Variants in CFAP99 observed in about 807,000 individuals in gnomAD.
The protein encoded by CFAP99 is cilia and flagella associated protein 99, also known as cilia- and flagella-associated protein 99.
A neutral mutation model predicts 82.7 loss-of-function variants in CFAP99; 84 were observed. That is an observed-to-expected ratio of 1.02 (90% confidence interval 0.85 to 1.22). The LOEUF (loss-of-function observed/expected upper bound fraction) is 1.22, where lower values mean the gene tolerates loss of function less well. Ranked by LOEUF, CFAP99 falls within the 50% of genes most tolerant of loss-of-function variation. The probability of loss-of-function intolerance (pLI) is 0.00; values close to 1 mark genes in which losing one functional copy is unlikely to be tolerated. For synonymous variants in CFAP99, 456 were observed against 429.5 expected (o/e 1.06, Z -0.76); for missense variants, 1,059 against 983.5 (o/e 1.08, Z -1.03).
Position 2,462,590 on chromosome 4 carries a change from G to A in CFAP99, c.1809G>A (p.Ala603=). ...TGCACGTGTCGGCGCCGCGGACCGC[G>A]CGCCCCAAGCCCCGGGTGAGTCCGG... The change falls in exon 15 of 15, where the codon GCG becomes GCA. Residue 603 remains alanine, a synonymous_variant. Coordinates refer to ENST00000635017, the Ensembl canonical transcript of CFAP99. This position sits in a 1 kb window ranked among gnomAD's most constrained non-coding sequence, Gnocchi z 4.1. 1 of 1,426,258 alleles carries A rather than the reference G, an allele frequency of 7.0e-7. No homozygotes were observed. Among genetic ancestry groups the A allele is most frequent in the Non-Finnish European group, 9.1e-7 (1 of 1,092,920 alleles). The allele number at this position is 1,426,258 out of a possible 1,614,324, so 88.4% of individuals were successfully genotyped here.
chr4:2,442,481 G>C (rs1000064899), intron 4 of CFAP99, among the ~76,000 whole-genome samples: 1 of 152,084 alleles, frequency 6.6e-6, no homozygotes, highest in Non-Finnish European at 1.5e-5. Flanking sequence ...AGGCACAGCA[G>C]TGACTGCAGG....
chr4:2,430,075 CAGA>C (rs1733769231), intron 2 of CFAP99, among the ~76,000 whole-genome samples: 1 of 151,738 alleles, frequency 6.6e-6, no homozygotes, highest in Non-Finnish European at 1.5e-5. Context: ...AACCAAACGG[CAGA>C]CTGCGGACAG....
At position 2,462,505 on chromosome 4, in the gene CFAP99, A is replaced by G; in HGVS notation, c.1724A>G (p.Gln575Arg). Residue 575 changes from glutamine (Q) to arginine (R), a missense_variant, in exon 15 of 15, where the codon CAG (glutamine) becomes CGG (arginine). Physicochemically the swap from Gln to Arg is conservative, Grantham distance 43 (BLOSUM62 1). Coordinates refer to ENST00000635017, the Ensembl canonical transcript of CFAP99. This position sits in a 1 kb window ranked among gnomAD's most constrained non-coding sequence, Gnocchi z 4.1. Reference sequence around the variant, plus strand: ...GCGCCCTCGCAGGACGAGCGCGTGCAGCAGCTGCGGCGCAGGATCTCGGAG... The same window carrying G: ...GCGCCCTCGCAGGACGAGCGCGTGCGGCAGCTGCGGCGCAGGATCTCGGAG... 6.1e-6 allele frequency: 9 copies of G among 1,478,342 alleles called. No individual in the cohort carries two copies. Among genetic ancestry groups the G allele is most frequent in the African/African-American group, 5.9e-5 (4 of 68,210 alleles). 91.6% of individuals were successfully genotyped at this position (1,478,342 alleles called of 1,614,324 possible).
intron 11 of CFAP99, among the ~76,000 whole-genome samples, chr4:2,458,494 C>A (rs926729235): frequency 6.6e-6 from 1 of 152,138 alleles, no homozygotes; most frequent in Non-Finnish European, 1.5e-5. Context: ...AAGGTTCCCC[C>A]CAAGACCACA....
At chr4:2,437,699 T>C (rs2108720018) in intron 3 of CFAP99, among the ~76,000 whole-genome samples, 1 of 152,334 alleles carries the variant, frequency 6.6e-6, no homozygotes, top group South Asian at 2.1e-4. Flanking sequence ...AGGGGCCCGT[T>C]ACAGTTCCTG....
At chr4:2,422,356 A>G (rs954845515) in intron 1 of CFAP99, among the ~76,000 whole-genome samples, 1 of 152,068 alleles carries the variant, frequency 6.6e-6, no homozygotes, top group Non-Finnish European at 1.5e-5. Context: ...CTGGACTCCA[A>G]AGGAGCTCTT....
chr4:2,450,174 C>A, intron 8 of CFAP99, 169 bp downstream of exon 8: 2 of 687,260 alleles, frequency 2.9e-6, no homozygotes, highest in South Asian at 1.7e-5. Context: ...GAGCCCACTG[C>A]GATGTGGCCC....
intron 9 of CFAP99, 85 bp from the exon 10 acceptor site, chr4:2,451,179 G>A (rs1459273958): frequency 2.0e-6 from 3 of 1,488,774 alleles, no homozygotes; most frequent in East Asian, 2.5e-5. Flanking sequence ...GGGGGCAGGT[G>A]TGACGGGCAT....
At position 2,462,723 on chromosome 4, in the gene CFAP99, C is replaced by G. The variant is rs1363443600; in HGVS notation, c.1942C>G (p.Arg648Gly). 8.1e-7 allele frequency: 1 copy of G among 1,242,142 alleles called. No individual in the cohort carries two copies. Among genetic ancestry groups the G allele is most frequent in the African/African-American group, 1.6e-5 (1 of 63,388 alleles). 76.9% of individuals were successfully genotyped at this position (1,242,142 alleles called of 1,614,324 possible). A position where few individuals can be genotyped will look rare whatever the true frequency, so the allele number is the denominator to read the frequency against. Residue 648 changes from arginine (R) to glycine (G), a missense_variant, in exon 15 of 15, where the codon CGG becomes GGG. Coordinates refer to ENST00000635017, the Ensembl canonical transcript of CFAP99. This position sits in a 1 kb window ranked among gnomAD's most constrained non-coding sequence, Gnocchi z 4.1. Reference sequence around the variant, plus strand: ...GCGGGGATGGCGGGGAGATCGGGTCCGGTCCGCGGCCGGGAGATACGCAGC... The same window carrying G: ...GCGGGGATGGCGGGGAGATCGGGTCGGGTCCGCGGCCGGGAGATACGCAGC...
rs952174317 is a variant in CFAP99, at chr4:2,448,797, A to G, written c.643-873A>G. ...CACACATCCACTGGAGGGAGCAGAGACAGGACACATTGAGGCAGGCTGGCG... is the reference window on the plus strand; with the variant it reads ...CACACATCCACTGGAGGGAGCAGAGGCAGGACACATTGAGGCAGGCTGGCG... On this transcript the variant is annotated intron_variant, in intron 6 of 14. Transcript: ENST00000635017. This position sits in a 1 kb window ranked among gnomAD's most constrained non-coding sequence, Gnocchi z 5.2. Among the ~76,000 whole-genome samples, 1 of 152,224 alleles carries G rather than the reference A, an allele frequency of 6.6e-6. No homozygotes were observed. The highest frequency in any genetic ancestry group is 1.5e-5 in the Non-Finnish European group (1 of 68,036).
At chr4:2,443,821 A>G (rs1225921034) in intron 5 of CFAP99, among the ~76,000 whole-genome samples, 1 of 152,144 alleles carries the variant, frequency 6.6e-6, no homozygotes, top group African/African-American at 2.4e-5. Flanking sequence ...ACTCCGGGGC[A>G]GGCCAGAACC....
chr4:2,450,696 C>A (rs997814631), intron 8 of CFAP99, among the ~76,000 whole-genome samples: 1 of 152,208 alleles, frequency 6.6e-6, no homozygotes, highest in East Asian at 1.9e-4. Context: ...GACTGGGAAG[C>A]ACTGTTCCCA....
intron 11 of CFAP99, 68 bp from the exon 12 acceptor site, chr4:2,458,655 C>A: frequency 6.7e-7 from 1 of 1,485,522 alleles, no homozygotes; most frequent in Non-Finnish European, 8.9e-7. Flanking sequence ...GCGCCCTGGG[C>A]TGGGGCGGGA....
At chr4:2,442,646 C>G (rs1734070746) in intron 4 of CFAP99, among the ~76,000 whole-genome samples, 1 of 152,188 alleles carries the variant, frequency 6.6e-6, no homozygotes, top group South Asian at 2.1e-4. Flanking sequence ...CCCGGACCCT[C>G]GGCTCCCCAT....
Position 2,462,215 on chromosome 4 carries a change from G to A in CFAP99, c.1662-228G>A, listed in dbSNP as rs964109019. 4.4e-5 allele frequency: 18 copies of A among 413,294 alleles called. No homozygotes were observed. Among genetic ancestry groups the A allele is most frequent in the Middle Eastern group, 6.2e-4 (1 of 1,624 alleles). 25.6% of individuals were successfully genotyped at this position (413,294 alleles called of 1,614,324 possible). A position where few individuals can be genotyped will look rare whatever the true frequency, so the allele number is the denominator to read the frequency against. ...AAGAAAAGAAAAAAAGAGCAAAAGG[G>A]TAGATAGAAGTGCTGGAGACTCCCC... On this transcript the variant is annotated intron_variant, in intron 14 of 14. Coordinates refer to ENST00000635017, the Ensembl canonical transcript of CFAP99. The surrounding 1 kb of genome is among the most constrained non-coding windows in gnomAD (Gnocchi z 4.1).
intron 10 of CFAP99, among the ~76,000 whole-genome samples, chr4:2,451,941 T>A (rs1734311502): frequency 7.1e-6 from 1 of 140,192 alleles, no homozygotes; most frequent in African/African-American, 2.7e-5. Context: ...ATGGGGCTGA[T>A]GGGTGGACGC....
At chr4:2,430,983 G>A (rs1202262864) in intron 2 of CFAP99, among the ~76,000 whole-genome samples, 3 of 151,948 alleles carry the variant, frequency 2.0e-5, no homozygotes, top group African/African-American at 2.4e-5. Flanking sequence ...AAGGAAGGAG[G>A]ATTGCTTGAG....
intron 5 of CFAP99, among the ~76,000 whole-genome samples, chr4:2,444,634 C>G (rs1194339553): frequency 6.6e-6 from 1 of 152,076 alleles, no homozygotes; most frequent in Non-Finnish European, 1.5e-5. Flanking sequence ...GCACCCCCAC[C>G]CAGAGGCTGT....
intron 5 of CFAP99, 39 bp downstream of exon 5, chr4:2,443,281 T>C: frequency 7.5e-7 from 1 of 1,330,216 alleles, no homozygotes; most frequent in Non-Finnish European, 1.0e-6. Flanking sequence ...CTGAATGGCA[T>C]CTGCACCCCA....
Sources: gnomAD v4.1 joint callset for allele counts (sites outside exome capture counted in the v4.1 genomes callset) on GRCh38, gnomAD v4.1.1 for gene constraint, Gnocchi (gnomAD v3.1) non-coding constraint, MANE v1.5 for transcripts, NCBI Gene and HGNC (gene_info 2026-07-23, HGNC 2026-07-21) for gene names.